Variants in CGNL1 observed in about 807,000 individuals in gnomAD.
The protein encoded by CGNL1 is cingulin-like protein 1.
In CGNL1, 132 loss-of-function variants were observed where a neutral mutation model predicts 141.2. The observed-to-expected ratio is 0.93, with a 90% CI of 0.81 to 1.08. CGNL1 has a LOEUF of 1.08. Among genes scored for constraint, CGNL1 ranks in the 50% least tolerant of loss-of-function variants. CGNL1 has a pLI of 0.00. For synonymous variants in CGNL1, 690 were observed against 622.1 expected (o/e 1.11, Z -1.63); for missense variants, 1,870 against 1,588.6 (o/e 1.18, Z -3.01).
rs982144303 is a variant in CGNL1 at position 57,456,845 on chromosome 15, G to A, written c.2190+3027G>A. 2.7e-4 allele frequency among the ~76,000 whole-genome samples: 41 copies of A among 152,146 alleles called. 1 individual carries two copies. The highest frequency in any genetic ancestry group is 2.7e-3 in the Admixed American group (41 of 15,286). On this transcript the variant is annotated intron_variant, in intron 7 of 18. Coordinates refer to ENST00000281282, the MANE Select transcript of CGNL1 (RefSeq NM_032866.5). ...GGCCTCACTCCAGCAGAGTCTTGTG[G>A]TGTTTTATCCCTGGCATTTGCCAAG...
At chr15:57,471,902 A>G (rs2063586577) in intron 8 of CGNL1, among the ~76,000 whole-genome samples, 1 of 152,096 alleles carries the variant, frequency 6.6e-6, no homozygotes, top group South Asian at 2.1e-4. Context: ...AATAACATGG[A>G]GAAAAGGGGT....
chr15:57,546,426 C>T (rs1382619060), intron 18 of CGNL1, among the ~76,000 whole-genome samples, 187 bp downstream of exon 18: 1 of 152,156 alleles, frequency 6.6e-6, no homozygotes, highest in African/African-American at 2.4e-5. Context: ...AGTAGGGTCT[C>T]ATGCATGTCA....
At chr15:57,408,358 T>C (rs1418294167) in intron 1 of CGNL1, among the ~76,000 whole-genome samples, 1 of 152,030 alleles carries the variant, frequency 6.6e-6, no homozygotes, top group African/African-American at 2.4e-5. Context: ...ATCCTTATCT[T>C]GAATGCCTCA....
chr15:57,451,495 T>C lies in CGNL1; in HGVS notation c.1804-5T>C, dbSNP rs781131155. 1.1e-5 allele frequency: 18 copies of C among 1,593,616 alleles called. No individual in the cohort carries two copies. Among genetic ancestry groups the C allele is most frequent in the Non-Finnish European group, 1.5e-5 (18 of 1,165,850 alleles). On this transcript the variant is annotated splice_polypyrimidine_tract_variant and splice_region_variant and intron_variant, in intron 4 of 18. Transcript: ENST00000281282. ...AAATTAGTATATCTTTGCAATTAATTATAGGCTTGTAATTCCACATCTGAA... is the reference window on the plus strand; with the variant it reads ...AAATTAGTATATCTTTGCAATTAATCATAGGCTTGTAATTCCACATCTGAA...
chr15:57,411,415 C>G (rs556108252), intron 1 of CGNL1, among the ~76,000 whole-genome samples: 36 of 151,902 alleles, frequency 2.4e-4, no homozygotes, highest in Non-Finnish European at 4.9e-4. Flanking sequence ...CATGCACTGT[C>G]CAGATGCCAC....
intron 8 of CGNL1, among the ~76,000 whole-genome samples, chr15:57,491,543 G>A (rs574635239): frequency 1.3e-5 from 2 of 152,260 alleles, no homozygotes; most frequent in East Asian, 1.9e-4. Flanking sequence ...CTGATACAAT[G>A]AAAGAATGAG....
At chr15:57,433,376 A>G (rs2059337985) in intron 1 of CGNL1, among the ~76,000 whole-genome samples, 1 of 152,180 alleles carries the variant, frequency 6.6e-6, no homozygotes, top group Non-Finnish European at 1.5e-5. Flanking sequence ...TTCCACTCAA[A>G]TGGTAGTAAG....
At chr15:57,428,253 G>C (rs1371411484) in intron 1 of CGNL1, among the ~76,000 whole-genome samples, 4 of 152,242 alleles carry the variant, frequency 2.6e-5, no homozygotes, top group Non-Finnish European at 4.4e-5. Flanking sequence ...CAAACTGTGG[G>C]AGGCAGAAAA....
In CGNL1 at chr15:57,438,819, G is replaced by C. The variant is rs2063143186; in HGVS notation, c.820G>C (p.Asp274His). 6.2e-7 allele frequency: 1 copy of C among 1,614,190 alleles called. No individual in the cohort carries two copies. Among genetic ancestry groups the C allele is most frequent in the Non-Finnish European group, 8.5e-7 (1 of 1,180,038 alleles). ...CCCTGAAACCAAGAAAACCAGGCCA[G>C]ATGTTCTTCCCTTCCGGCGACAGGA... is the stretch of plus-strand genomic sequence containing the variant. ...AHPETKKTRP[D>H]VLPFRRQDSA... The change falls in exon 2 of 19, where the codon GAT becomes CAT. Residue 274 changes from aspartate to histidine, a missense_variant. Transcript: ENST00000281282.
At chr15:57,470,480 G>T (rs1388943939) in intron 8 of CGNL1, among the ~76,000 whole-genome samples, 1 of 151,974 alleles carries the variant, frequency 6.6e-6, no homozygotes, top group African/African-American at 2.4e-5. Flanking sequence ...ACTCTGGGGG[G>T]CTGGGTAATG....
chr15:57,406,405 A>T (rs768205935), intron 1 of CGNL1, among the ~76,000 whole-genome samples: 3 of 152,196 alleles, frequency 2.0e-5, no homozygotes, highest in Non-Finnish European at 2.9e-5. Flanking sequence ...GAAGGAGGGC[A>T]GAGCATTCTG....
At position 57,451,724 on chromosome 15, in the gene CGNL1, C is replaced by G. The variant is rs983862410; in HGVS notation, c.1905+123C>G. On this transcript the variant is annotated intron_variant, in intron 5 of 18. Transcript: ENST00000281282. Reference sequence around the variant, plus strand: ...TTTTTCCCCCAAAAGAAACATTCCTCTAATCACTGAATAAATTCCTGTGTA... The same window carrying G: ...TTTTTCCCCCAAAAGAAACATTCCTGTAATCACTGAATAAATTCCTGTGTA... The G allele has an allele frequency of 7.3e-6, 5 of 685,456 alleles. No individual in the cohort carries two copies. The East Asian group carries it at 8.3e-5, about 11-fold the overall frequency. The allele number at this position is 685,456 out of a possible 1,614,324, so 42.5% of individuals were successfully genotyped here.
Position 57,546,183 on chromosome 15 carries a change from G to T in CGNL1, c.3717G>T (p.Gln1239His), listed in dbSNP as rs1298424122. 1 of 1,608,660 alleles carries T rather than the reference G, an allele frequency of 6.2e-7. No homozygotes were observed. Among genetic ancestry groups the T allele is most frequent in the African/African-American group, 1.3e-5 (1 of 74,842 alleles). The change falls in exon 18 of 19, where the codon CAG (glutamine) becomes CAT (histidine). Residue 1239 changes from glutamine to histidine, a missense_variant. Transcript: ENST00000281282. Reference protein sequence around the residue: ...KKKLQRELEEQMDMNEHLQGQ... With the variant: ...KKKLQRELEEHMDMNEHLQGQ... ...AGCTGCAGAGGGAGCTGGAGGAGCAGATGGACATGAATGAGCATCTGCAGG... is the reference window on the plus strand; with the variant it reads ...AGCTGCAGAGGGAGCTGGAGGAGCATATGGACATGAATGAGCATCTGCAGG...
At chr15:57,396,619 T>C (rs1365333978) in intron 1 of CGNL1, among the ~76,000 whole-genome samples, 1 of 152,182 alleles carries the variant, frequency 6.6e-6, no homozygotes, top group Non-Finnish European at 1.5e-5. Flanking sequence ...ATACGGCTCT[T>C]TGAGTACATT....
chr15:57,546,754 T>A (rs2032891049), intron 18 of CGNL1, among the ~76,000 whole-genome samples: 1 of 152,016 alleles, frequency 6.6e-6, no homozygotes, highest in African/African-American at 2.4e-5. Flanking sequence ...TGCTCTAGGG[T>A]CTCTCCCCGG....
intron 1 of CGNL1, among the ~76,000 whole-genome samples, chr15:57,383,846 C>A (rs935325220): frequency 6.6e-6 from 1 of 151,648 alleles, no homozygotes; most frequent in Admixed American, 6.6e-5. Flanking sequence ...GCCATGTTGC[C>A]CAGGCAGGTC....
At chr15:57,409,041 A>T (rs1420559013) in intron 1 of CGNL1, among the ~76,000 whole-genome samples, 7 of 112,778 alleles carry the variant, frequency 6.2e-5, no homozygotes, top group African/African-American at 2.3e-4. Context: ...ACTCTGTCAC[A>T]CACACACACA....
At chr15:57,377,241 C>T (rs2062373926) in intron 1 of CGNL1, 1 of 152,308 alleles carries the variant, frequency 6.6e-6, no homozygotes. Flanking sequence ...TGTTCTTCAC[C>T]CTAAGGCCGC....
chr15:57,435,890 A>G (rs750070562), intron 1 of CGNL1, among the ~76,000 whole-genome samples: 4 of 152,216 alleles, frequency 2.6e-5, no homozygotes, highest in African/African-American at 9.6e-5. Flanking sequence ...CATTATCCGT[A>G]TATTTGCTCA....
Sources: allele counts gnomAD v4.1 joint callset (sites outside exome capture counted in the v4.1 genomes callset), GRCh38; gene constraint gnomAD v4.1.1; transcripts MANE v1.5; gene names NCBI Gene and HGNC (gene_info 2026-07-23, HGNC 2026-07-21).